The following HDAC9 variants were observed in gnomAD, a reference collection of about 807,000 sequenced individuals.
HDAC9 encodes the protein histone deacetylase 9, also known as MEF-2 interacting transcription repressor (MITR) protein.
HDAC9 carries 41 observed loss-of-function variants against 139.4 expected under a neutral mutation model. The observed-to-expected ratio is 0.29, with a 90% CI of 0.23 to 0.38. The LOEUF (loss-of-function observed/expected upper bound fraction) is 0.38, where lower values mean the gene tolerates loss of function less well. HDAC9 is among the 10% of genes least tolerant of loss of function. HDAC9 has a pLI of 1.00. For synonymous variants in HDAC9, 517 were observed against 476.2 expected (o/e 1.09, Z -1.12); for missense variants, 1,147 against 1,297.0 (o/e 0.88, Z 1.78).
At chr7:18,968,005 A>C (rs1359755426) in intron 24 of HDAC9, among the ~76,000 whole-genome samples, 1 of 152,094 alleles carries the variant, frequency 6.6e-6, no homozygotes, top group East Asian at 1.9e-4. Flanking sequence ...TCTACTAAAA[A>C]TACAAAATTA....
chr7:18,344,529 G>A (rs1782254248), intron 1 of HDAC9, among the ~76,000 whole-genome samples: 2 of 151,930 alleles, frequency 1.3e-5, no homozygotes, highest in Non-Finnish European at 2.9e-5. Flanking sequence ...TGTTCAGGTA[G>A]TATTCGTACT....
At chr7:18,939,123 C>T (rs1365686215) in intron 23 of HDAC9, among the ~76,000 whole-genome samples, 3 of 152,158 alleles carry the variant, frequency 2.0e-5, no homozygotes, top group Admixed American at 1.3e-4. Flanking sequence ...TAAATACCAG[C>T]TTGTCCCTTT....
intron 12 of HDAC9, among the ~76,000 whole-genome samples, chr7:18,698,501 C>T (rs1783218633): frequency 6.6e-6 from 1 of 152,216 alleles, no homozygotes; most frequent in African/African-American, 2.4e-5. Context: ...TAGCTTGCCA[C>T]ACTTTGCTGA....
rs567463920 is a variant in HDAC9, at chr7:18,621,541, G to A, written c.665-7809G>A. On this transcript the variant is annotated intron_variant, in intron 6 of 25. Coordinates refer to ENST00000686413, the MANE Select transcript of HDAC9 (RefSeq NM_178425.4). Reference sequence around the variant, plus strand: ...CAGTAGTATTTCTCAAAAACAAATAGTATTATAATGTCTTTAGGAAATTGC... The same window carrying A: ...CAGTAGTATTTCTCAAAAACAAATAATATTATAATGTCTTTAGGAAATTGC... 4.2e-4 allele frequency among the ~76,000 whole-genome samples: 64 copies of A among 152,124 alleles called. 1 individual carries two copies. The South Asian group carries it at 0.01, about 25-fold the overall frequency.
chr7:18,302,456 C>T (rs1354848136), intron 1 of HDAC9, among the ~76,000 whole-genome samples: 1 of 152,158 alleles, frequency 6.6e-6, no homozygotes, highest in Admixed American at 6.5e-5. Flanking sequence ...GTCTTGGAGC[C>T]AGGAAGATCT....
intron 11 of HDAC9, among the ~76,000 whole-genome samples, chr7:18,658,541 G>A (rs1177639926): frequency 6.6e-6 from 1 of 152,106 alleles, no homozygotes; most frequent in Non-Finnish European, 1.5e-5. Flanking sequence ...CTTAGAAATG[G>A]TATTTTTCAG....
intron 2 of HDAC9, among the ~76,000 whole-genome samples, chr7:18,579,048 T>G (rs547536392): frequency 4.1e-4 from 63 of 152,366 alleles, no homozygotes; most frequent in African/African-American, 1.4e-3. Context: ...GATAGTAATC[T>G]CTAGCACCAC....
intron 2 of HDAC9, among the ~76,000 whole-genome samples, chr7:18,538,002 A>G (rs1009553984): frequency 5.3e-5 from 8 of 152,156 alleles, no homozygotes; most frequent in African/African-American, 1.9e-4. Context: ...TCTGTGCTTC[A>G]CAAGCTTAAT....
intron 14 of HDAC9, among the ~76,000 whole-genome samples, chr7:18,754,869 A>G (rs1788745104): frequency 6.6e-6 from 1 of 152,164 alleles, no homozygotes; most frequent in Admixed American, 6.6e-5. Flanking sequence ...CTAAGTAAGG[A>G]AATACATTCA....
At chr7:18,673,315 C>G (rs1205521070) in intron 12 of HDAC9, among the ~76,000 whole-genome samples, 3 of 151,958 alleles carry the variant, frequency 2.0e-5, no homozygotes, top group Non-Finnish European at 4.4e-5. Context: ...CATGTCTTAG[C>G]TTTGATCTTC....
At chr7:18,847,577 C>T (rs563730685) in intron 21 of HDAC9, among the ~76,000 whole-genome samples, 4 of 152,276 alleles carry the variant, frequency 2.6e-5, no homozygotes, top group East Asian at 1.9e-4. Context: ...GGAATAAAGA[C>T]GCCTCAGGAG....
At chr7:18,698,769 A>C (rs1372036378) in intron 12 of HDAC9, among the ~76,000 whole-genome samples, 1 of 152,224 alleles carries the variant, frequency 6.6e-6, no homozygotes, top group Non-Finnish European at 1.5e-5. Flanking sequence ...TGGATATTGC[A>C]TTCAGGGAGG....
In HDAC9 at chr7:18,904,186, AT is replaced by A. The variant is rs542578782; in HGVS notation, c.2803+29593del. On this transcript the variant is annotated intron_variant, in intron 22 of 25. Transcript: ENST00000686413. ...CTTTCTACTTTAGTGGCAAGTATGAATTTACTGAAATAGTAAGGTTTTCTGC... is the reference window on the plus strand; with the variant it reads ...CTTTCTACTTTAGTGGCAAGTATGAATTACTGAAATAGTAAGGTTTTCTGC... 2.0e-5 allele frequency among the ~76,000 whole-genome samples: 3 copies of A among 152,356 alleles called. No homozygotes were observed. In the South Asian group the frequency reaches 6.2e-4, roughly 32 times the overall value.
chr7:18,642,400 C>G (rs936129772), intron 8 of HDAC9, among the ~76,000 whole-genome samples: 5 of 152,086 alleles, frequency 3.3e-5, no homozygotes, highest in African/African-American at 1.2e-4. Flanking sequence ...GCAGTGGCTG[C>G]AGAGTCATAC....
At chr7:18,928,515 G>T (rs1349192779) in intron 22 of HDAC9, among the ~76,000 whole-genome samples, 3 of 152,034 alleles carry the variant, frequency 2.0e-5, no homozygotes, top group African/African-American at 7.2e-5. Flanking sequence ...AACATACATT[G>T]GTCACTTTGA....
chr7:18,252,331 T>C (rs1794969016), intron 2 of HDAC9, among the ~76,000 whole-genome samples: 1 of 152,192 alleles, frequency 6.6e-6, no homozygotes, highest in African/African-American at 2.4e-5. Context: ...CATATCAACC[T>C]TCTCCTCTCT....
At chr7:18,121,429 G>C (rs1444479847) in intron 1 of HDAC9, among the ~76,000 whole-genome samples, 1 of 151,908 alleles carries the variant, frequency 6.6e-6, no homozygotes. Context: ...CAGAGCAAAG[G>C]CACCTCAGTA....
intron 2 of HDAC9, among the ~76,000 whole-genome samples, chr7:18,168,317 T>G (rs967004174): frequency 6.6e-6 from 1 of 152,216 alleles, no homozygotes; most frequent in Non-Finnish European, 1.5e-5. Context: ...TTTTAAGTAT[T>G]ATGATGAAAA....
intron 23 of HDAC9, among the ~76,000 whole-genome samples, chr7:18,950,909 C>T (rs1056183994): frequency 6.6e-6 from 1 of 151,978 alleles, no homozygotes; most frequent in African/African-American, 2.4e-5. Flanking sequence ...TTTAATAGAT[C>T]CTTTGCTTGA....
Sources: allele counts gnomAD v4.1 joint callset (sites outside exome capture counted in the v4.1 genomes callset), GRCh38; gene constraint gnomAD v4.1.1; transcripts MANE v1.5; gene names NCBI Gene and HGNC (gene_info 2026-07-23, HGNC 2026-07-21).